The following BAALC variants were observed in gnomAD, a reference collection of about 807,000 sequenced individuals.
The protein encoded by BAALC is brain and acute leukemia cytoplasmic protein.
In BAALC, 9 loss-of-function variants were observed where a neutral mutation model predicts 15.5. That is an observed-to-expected ratio of 0.58 (90% CI 0.35 to 1.02). BAALC has a LOEUF of 1.02. Among genes scored for constraint, BAALC ranks in the 50% least tolerant of loss-of-function variants. The pLI is 0.02. For missense variants in BAALC, 201 were observed against 192.4 expected (o/e 1.04, Z -0.27); for synonymous variants, 80 against 74.6 (o/e 1.07, Z -0.37).
intron 1 of BAALC, among the ~76,000 whole-genome samples, chr8:103,161,633 T>TTTAGGTA (rs1811226421): frequency 6.6e-6 from 1 of 152,032 alleles, no homozygotes; most frequent in Non-Finnish European, 1.5e-5. Context: ...TTTAGGTAGA[T>TTTAGGTA]CCCTAAAAAG....
At chr8:103,173,506 G>A (rs1811543390) in intron 1 of BAALC, among the ~76,000 whole-genome samples, 1 of 152,134 alleles carries the variant, frequency 6.6e-6, no homozygotes, top group Non-Finnish European at 1.5e-5. Context: ...TTCTAAATTT[G>A]CTAATAATAG....
intron 1 of BAALC, among the ~76,000 whole-genome samples, chr8:103,187,459 G>A (rs1054312879): frequency 2.0e-5 from 3 of 152,188 alleles, no homozygotes; most frequent in African/African-American, 7.2e-5. Flanking sequence ...TGCTGAGACT[G>A]AGAAACCCTG....
intron 2 of BAALC, 124 bp from the exon 3 acceptor site, chr8:103,227,865 C>T (rs1429823916): frequency 7.5e-6 from 5 of 663,810 alleles, no homozygotes; most frequent in Admixed American, 2.7e-5. Flanking sequence ...GATTTATGTT[C>T]CTTTTTCCCA....
At chr8:103,215,162 A>AT (rs1451169295) in intron 2 of BAALC, among the ~76,000 whole-genome samples, 11 of 151,998 alleles carry the variant, frequency 7.2e-5, no homozygotes, top group African/African-American at 2.7e-4. Context: ...CTGCCCCCCC[A>AT]TCCATCACTT....
chr8:103,170,903 T>C (rs1811467759), intron 1 of BAALC, among the ~76,000 whole-genome samples: 1 of 152,240 alleles, frequency 6.6e-6, no homozygotes, highest in South Asian at 2.1e-4. Context: ...TTATTCTCTA[T>C]ATCATTTGTT....
rs1810770107 is a variant in BAALC at position 103,141,287 on chromosome 8, C to T, written c.160+230C>T. ...GCGCCGATGCCCCAGCTTCCAGCAG[C>T]CCAATGCTCTTTGGCCTTGTCCAAA... On this transcript the variant is annotated intron_variant, in intron 1 of 2. Coordinates refer to ENST00000309982, the MANE Select transcript of BAALC (RefSeq NM_024812.3). 24 of 484,956 alleles carry T rather than the reference C, an allele frequency of 4.9e-5. 1 individual carries two copies. In the South Asian group the frequency reaches 9.0e-4, roughly 18 times the overall value. 30.0% of individuals were successfully genotyped at this position (484,956 alleles called of 1,614,324 possible). A position where few individuals can be genotyped will look rare whatever the true frequency, so the allele number is the denominator to read the frequency against.
intron 1 of BAALC, among the ~76,000 whole-genome samples, chr8:103,152,020 C>T (rs1810997309): frequency 6.6e-6 from 1 of 152,096 alleles, no homozygotes; most frequent in Non-Finnish European, 1.5e-5. Context: ...CATCCGTCTT[C>T]CACTTGAACA....
chr8:103,227,999 AT>A lies in BAALC; in HGVS notation c.339del (p.Asp113GlufsTer14). The stretch of plus-strand genomic sequence containing the variant: ...TTTTCAACTTAACAGGCTAAAAGAG[AT>A]GCTAAGAGAATGCCTGCAAAAGAAG... ...NGLQTTEAKR[D>X]AKRMPAKEVT... On this transcript the variant is annotated frameshift_variant, in exon 3 of 3. Coordinates refer to ENST00000309982, the MANE Select transcript of BAALC (RefSeq NM_024812.3). LOFTEE classifies it high-confidence loss of function. 10 of 1,611,536 alleles carry A rather than the reference AT, an allele frequency of 6.2e-6. No homozygotes were observed. Among genetic ancestry groups the A allele is most frequent in the Admixed American group, 1.7e-5 (1 of 59,974 alleles).
intron 1 of BAALC, among the ~76,000 whole-genome samples, chr8:103,141,870 G>GATTTT (rs1345219714): frequency 6.6e-6 from 1 of 152,194 alleles, no homozygotes; most frequent in Non-Finnish European, 1.5e-5. Context: ...CATAAGTCAG[G>GATTTT]ATTTTATTTT....
At chr8:103,148,330 A>T (rs947518795) in intron 1 of BAALC, among the ~76,000 whole-genome samples, 2 of 152,218 alleles carry the variant, frequency 1.3e-5, no homozygotes, top group African/African-American at 4.8e-5. Context: ...GAGGCAGGGG[A>T]CAGATTCTCC....
At chr8:103,177,411 C>T (rs946650040) in intron 1 of BAALC, among the ~76,000 whole-genome samples, 1 of 152,144 alleles carries the variant, frequency 6.6e-6, no homozygotes, top group Non-Finnish European at 1.5e-5. Context: ...TCTCAAACTC[C>T]TGGCCTTGAG....
chr8:103,152,172 GA>G lies in BAALC; in HGVS notation c.160+11117del, dbSNP rs140388975. ...ATAGCTTCCTGTTCTACTATGTGTA[GA>G]ATAAAATCCCAGTCCCTTCCTTGGC... is the stretch of plus-strand genomic sequence containing the variant. On this transcript the variant is annotated intron_variant, in intron 1 of 2. Coordinates refer to ENST00000309982, the MANE Select transcript of BAALC (RefSeq NM_024812.3). Among the ~76,000 whole-genome samples the G allele has an allele frequency of 1.7e-3, 263 of 152,236 alleles. 6 individuals carry two copies. The East Asian group carries it at 0.045, about 26-fold the overall frequency.
At chr8:103,159,101 A>G (rs760264451) in intron 1 of BAALC, among the ~76,000 whole-genome samples, 1 of 152,208 alleles carries the variant, frequency 6.6e-6, no homozygotes, top group Non-Finnish European at 1.5e-5. Flanking sequence ...CTGTAAACTG[A>G]TAGAACAATA....
chr8:103,182,289 C>T (rs997825946), intron 1 of BAALC, among the ~76,000 whole-genome samples: 18 of 152,208 alleles, frequency 1.2e-4, no homozygotes, highest in African/African-American at 4.3e-4. Context: ...GGCTTTTGAA[C>T]ATTTACTCCC....
rs77488076 is a variant in BAALC, at chr8:103,190,793, G to C, written c.161-22126G>C. Among the ~76,000 whole-genome samples the C allele has an allele frequency of 6.6e-5, 10 of 152,298 alleles. No individual in the cohort carries two copies. The East Asian group carries it at 1.9e-3, about 29-fold the overall frequency. On this transcript the variant is annotated intron_variant, in intron 1 of 2. Transcript: ENST00000309982. ...GGTGAAGATGGCAGTTTATGCCTCTGTGAGTCCCCAGAGCCTGGTAAAATT... is the reference window on the plus strand; with the variant it reads ...GGTGAAGATGGCAGTTTATGCCTCTCTGAGTCCCCAGAGCCTGGTAAAATT...
intron 1 of BAALC, among the ~76,000 whole-genome samples, chr8:103,187,408 GT>G (rs1811864771): frequency 6.6e-6 from 1 of 152,168 alleles, no homozygotes; most frequent in Non-Finnish European, 1.5e-5. Context: ...ACTCAGGACA[GT>G]TCCCTACAAT....
intron 2 of BAALC, among the ~76,000 whole-genome samples, chr8:103,226,098 T>A (rs1438713441): frequency 6.6e-6 from 1 of 151,992 alleles, no homozygotes; most frequent in Non-Finnish European, 1.5e-5. Context: ...CCTGGAGGGG[T>A]GTTCCCACAG....
intron 1 of BAALC, among the ~76,000 whole-genome samples, chr8:103,156,473 C>T (rs1288293478): frequency 6.6e-6 from 1 of 152,168 alleles, no homozygotes; most frequent in East Asian, 1.9e-4. Context: ...AGGGATTCTC[C>T]TTGCCTTGGG....
intron 1 of BAALC, among the ~76,000 whole-genome samples, chr8:103,206,860 T>TCA (rs1812343870): frequency 2.0e-5 from 3 of 152,170 alleles, no homozygotes; most frequent in African/African-American, 7.2e-5. Context: ...CCTGATCCTA[T>TCA]GGGTCACTTT....
Sources: allele counts gnomAD v4.1 joint callset (sites outside exome capture counted in the v4.1 genomes callset), GRCh38; gene constraint gnomAD v4.1.1; transcripts MANE v1.5; gene names NCBI Gene and HGNC (gene_info 2026-07-23, HGNC 2026-07-21).